The following SPECC1L variants were observed in gnomAD, a reference collection of about 807,000 sequenced individuals.
SPECC1L encodes sperm antigen with calponin homology and coiled-coil domains 1 like.
SPECC1L carries 40 observed loss-of-function variants against 116.8 expected under a neutral mutation model. That is an observed-to-expected ratio of 0.34 (90% confidence interval 0.27 to 0.45). The LOEUF is 0.45. Ranked by LOEUF, SPECC1L falls within the 20% of genes least tolerant of loss-of-function variation. The probability of loss-of-function intolerance (pLI) is 1.00; values close to 1 mark genes in which losing one functional copy is unlikely to be tolerated. For synonymous variants in SPECC1L, 504 were observed against 500.6 expected (o/e 1.01, Z -0.09); for missense variants, 1,110 against 1,373.6 (o/e 0.81, Z 3.03).
At chr22:24,283,524 G>C (rs2048985816) in intron 2 of SPECC1L, among the ~76,000 whole-genome samples, 1 of 152,212 alleles carries the variant, frequency 6.6e-6, no homozygotes, top group Non-Finnish European at 1.5e-5. Context: ...TTTCACGAGA[G>C]ATATGGGTCT....
At chr22:24,348,242 CTTGG>C in intron 11 of SPECC1L, among the ~76,000 whole-genome samples, 1 of 152,242 alleles carries the variant, frequency 6.6e-6, no homozygotes, top group East Asian at 1.9e-4. Context: ...GTCAGGAATT[CTTGG>C]TTGTGCATGT....
intron 6 of SPECC1L, among the ~76,000 whole-genome samples, chr22:24,325,824 ATGTG>A (rs1006877671): frequency 1.3e-5 from 2 of 152,182 alleles, no homozygotes; most frequent in South Asian, 2.1e-4. Flanking sequence ...GTCATTTGTC[ATGTG>A]TGTATTATGT....
At chr22:24,346,712 A>G (rs1400082727) in intron 10 of SPECC1L, among the ~76,000 whole-genome samples, 1 of 152,124 alleles carries the variant, frequency 6.6e-6, no homozygotes, top group East Asian at 1.9e-4. Context: ...TCTTGACTGT[A>G]TCAGTAACAT....
At chr22:24,345,936 T>G (rs2041283055) in intron 10 of SPECC1L, among the ~76,000 whole-genome samples, 1 of 151,972 alleles carries the variant, frequency 6.6e-6, no homozygotes, top group Admixed American at 6.6e-5. Flanking sequence ...GTTGGTGGTG[T>G]TTGAGCATCA....
chr22:24,276,829 C>T (rs774004093), intron 2 of SPECC1L, 26 bp downstream of exon 2: 19 of 450,522 alleles, frequency 4.2e-5, no homozygotes, highest in South Asian at 2.8e-4. Context: ...CCAATAAATG[C>T]CCCTTTTCTC....
intron 14 of SPECC1L, among the ~76,000 whole-genome samples, chr22:24,390,872 C>CTTTTTTTTTTTTTTTT (rs1016008966): frequency 2.8e-4 from 16 of 57,112 alleles, no homozygotes; most frequent in Admixed American, 7.6e-4. Context: ...TTTTTCTTTT[C>CTTTTTTTTTTTTTTTT]TTTTTTTTTT....
chr22:24,342,138 T>G (rs2041189082), intron 10 of SPECC1L, among the ~76,000 whole-genome samples: 1 of 152,216 alleles, frequency 6.6e-6, no homozygotes, highest in Admixed American at 6.5e-5. Flanking sequence ...AAGTAATAAT[T>G]TTTAAAGGAA....
At chr22:24,363,593 T>C (rs1378242582) in intron 12 of SPECC1L, among the ~76,000 whole-genome samples, 1 of 152,164 alleles carries the variant, frequency 6.6e-6, no homozygotes. Flanking sequence ...AGCCTTTTTC[T>C]GTGTGTGTGT....
intron 14 of SPECC1L, among the ~76,000 whole-genome samples, chr22:24,375,978 AC>A (rs1601308550): frequency 2.0e-5 from 3 of 151,976 alleles, no homozygotes; most frequent in Non-Finnish European, 1.5e-5. Context: ...AACAAAAAAA[AC>A]AAAAAAAACC....
At chr22:24,364,696 A>G (rs1455039336) in intron 12 of SPECC1L, among the ~76,000 whole-genome samples, 2 of 150,266 alleles carry the variant, frequency 1.3e-5, no homozygotes, top group African/African-American at 4.9e-5. Context: ...CTGAGCTAGC[A>G]TTGCATGTAG....
At chr22:24,387,910 A>G (rs2042190611) in intron 14 of SPECC1L, among the ~76,000 whole-genome samples, 1 of 152,136 alleles carries the variant, frequency 6.6e-6, no homozygotes, top group African/African-American at 2.4e-5. Flanking sequence ...AGAGACAGCC[A>G]TGTTTCATGG....
At chr22:24,346,945 G>C (rs2041308383) in intron 10 of SPECC1L, 141 bp from the exon 11 acceptor site, 1 of 729,668 alleles carries the variant, frequency 1.4e-6, no homozygotes, top group Non-Finnish European at 2.5e-6. Context: ...GTCCATGCCT[G>C]TAAGGTGTGT....
rs140688785 is a variant in SPECC1L at position 24,381,819 on chromosome 22, G to A, written c.3087+12499G>A. Among the ~76,000 whole-genome samples the A allele has an allele frequency of 3.4e-4, 52 of 152,332 alleles. No individual in the cohort carries two copies. In the East Asian group the frequency reaches 9.4e-3, roughly 28 times the overall value. On this transcript the variant is annotated intron_variant, in intron 14 of 16. Coordinates refer to ENST00000314328, the MANE Select transcript of SPECC1L (RefSeq NM_015330.6). ...GAATGGCGTGAAACCGGGAGGCAGA[G>A]GTTGCAGTGAGCCAAGATCGCACCA...
intron 3 of SPECC1L, among the ~76,000 whole-genome samples, chr22:24,307,424 C>T (rs118072845): frequency 2.6e-5 from 4 of 152,148 alleles, no homozygotes; most frequent in African/African-American, 7.2e-5. Context: ...TTTATACATG[C>T]TGCATGTATA....
At chr22:24,372,174 T>A (rs200471395) in intron 14 of SPECC1L, among the ~76,000 whole-genome samples, 1 of 152,114 alleles carries the variant, frequency 6.6e-6, no homozygotes, top group African/African-American at 2.4e-5. Context: ...CAAGACCAGA[T>A]GGATTCACGG....
chr22:24,300,387 CA>C (rs2049353731), intron 2 of SPECC1L, among the ~76,000 whole-genome samples: 1 of 152,102 alleles, frequency 6.6e-6, no homozygotes, highest in African/African-American at 2.4e-5. Context: ...CATTGATGGG[CA>C]TTTGGGTTGG....
chr22:24,354,326 G>C (rs1466587448), intron 11 of SPECC1L, among the ~76,000 whole-genome samples: 1 of 152,174 alleles, frequency 6.6e-6, no homozygotes, highest in Non-Finnish European at 1.5e-5. Context: ...GCCCACAACA[G>C]TTATTACCGT....
At chr22:24,286,403 C>A (rs1025557836) in intron 2 of SPECC1L, among the ~76,000 whole-genome samples, 1 of 152,162 alleles carries the variant, frequency 6.6e-6, no homozygotes, top group Admixed American at 6.5e-5. Flanking sequence ...CATGTAATTA[C>A]ACTTTATTGC....
rs548009486 is a variant in SPECC1L, at chr22:24,319,968, G to A, written c.308-1320G>A. 3.3e-5 allele frequency among the ~76,000 whole-genome samples: 5 copies of A among 152,208 alleles called. No homozygotes were observed. In the East Asian group the frequency reaches 5.8e-4, roughly 18 times the overall value. Reference sequence around the variant, plus strand: ...TTCCTGGCCAGGTGCGGTGGCTCACGCCTGTAAGTGCGGTGGCTCACGCCT... The same window carrying A: ...TTCCTGGCCAGGTGCGGTGGCTCACACCTGTAAGTGCGGTGGCTCACGCCT... On this transcript the variant is annotated intron_variant, in intron 4 of 16. Transcript: ENST00000314328.
Sources: gnomAD v4.1 joint callset for allele counts (sites outside exome capture counted in the v4.1 genomes callset) on GRCh38, gnomAD v4.1.1 for gene constraint, MANE v1.5 for transcripts, NCBI Gene and HGNC (gene_info 2026-07-23, HGNC 2026-07-21) for gene names.